MYH9: variants seen among roughly 807,000 people sequenced by gnomAD.
The protein encoded by MYH9 is myosin heavy chain 9.
A neutral mutation model predicts 241.9 loss-of-function variants in MYH9; 29 were observed. The ratio of observed to expected loss-of-function variants is 0.12; its 90% CI spans 0.09 to 0.16. The LOEUF (loss-of-function observed/expected upper bound fraction) is 0.16, where lower values mean the gene tolerates loss of function less well. MYH9 is among the 10% of genes least tolerant of loss of function. The probability of loss-of-function intolerance (pLI) is 1.00; values close to 1 mark genes in which losing one functional copy is unlikely to be tolerated. For synonymous variants in MYH9, 1,047 were observed against 1,062.6 expected (o/e 0.99, Z 0.29); for missense variants, 1,803 against 2,595.5 (o/e 0.69, Z 6.63).
Position 36,305,074 on chromosome 22 carries a change from G to A in MYH9, c.2188C>T (p.Pro730Ser). The A allele has an allele frequency of 6.2e-7, 1 of 1,614,118 alleles. No homozygotes were observed. The highest frequency in any genetic ancestry group is 8.5e-7 in the Non-Finnish European group (1 of 1,179,960). ...RYEILTPNSIPKGFMDGKQAC... is the reference protein window; with the variant it reads ...RYEILTPNSISKGFMDGKQAC... ...TGCTTCCCGTCCATGAAACCCTTGG[G>A]AATGGAGTTTGGAGTCAGGATCTCA... The change falls in exon 18 of 41, where the codon CCC becomes TCC. Residue 730 changes from proline (P) to serine (S), a missense_variant. Pro to Ser is a moderately conservative substitution (Grantham distance 74). Around this residue, in one of 11 missense-constraint regions of MYH9, gnomAD observed 163 missense variants for 349.7 expected, o/e 0.47. Transcript: ENST00000216181. The surrounding 1 kb of genome is among the most constrained non-coding windows in gnomAD (Gnocchi z 4.7).
intron 39 of MYH9, 50 bp from the exon 40 acceptor site, chr22:36,284,315 T>C: frequency 6.2e-7 from 1 of 1,604,364 alleles, no homozygotes; most frequent in Non-Finnish European, 8.5e-7. Context: ...GCTCTGGGCG[T>C]GCAGCCAGTC....
At chr22:36,348,834 A>ACGGGGGGGGGGGGG in intron 2 of MYH9, 70 bp downstream of exon 2, 3 of 888,382 alleles carry the variant, frequency 3.4e-6, no homozygotes, top group East Asian at 5.0e-5. Context: ...GGGTGATGGG[A>ACGGGGGGGGGGGGG]AGACCCGCCC....
intron 1 of MYH9, among the ~76,000 whole-genome samples, chr22:36,353,892 C>T (rs1474810160): frequency 6.6e-6 from 1 of 151,924 alleles, no homozygotes; most frequent in Admixed American, 6.6e-5. Context: ...TCCTGTAGGG[C>T]TAGGATTTGC....
intron 3 of MYH9, among the ~76,000 whole-genome samples, chr22:36,336,689 G>T (rs577428668): frequency 6.6e-6 from 1 of 152,218 alleles, no homozygotes; most frequent in East Asian, 1.9e-4. Flanking sequence ...GGGATGCCCT[G>T]TAACTACTTA....
At chr22:36,337,984 G>A (rs989465885) in intron 3 of MYH9, among the ~76,000 whole-genome samples, 2 of 151,764 alleles carry the variant, frequency 1.3e-5, no homozygotes, top group African/African-American at 4.9e-5. Flanking sequence ...ACAAAAAGAA[G>A]GAACTTTCTT....
At chr22:36,292,586 C>T (rs1479161185) in intron 30 of MYH9, among the ~76,000 whole-genome samples, 1 of 152,212 alleles carries the variant, frequency 6.6e-6, no homozygotes. Flanking sequence ...CATCACCCAG[C>T]CCCATCCTTG....
At chr22:36,378,448 G>A (rs757338970) in intron 1 of MYH9, among the ~76,000 whole-genome samples, 4 of 152,138 alleles carry the variant, frequency 2.6e-5, no homozygotes, top group Admixed American at 1.3e-4. Context: ...ACTTTATTTT[G>A]TTCCTTCTCC....
chr22:36,285,402 A>C lies in MYH9; in HGVS notation c.5275-73T>G. 6.7e-7 allele frequency: 1 copy of C among 1,492,240 alleles called. No homozygotes were observed. The highest frequency in any genetic ancestry group is 9.2e-7 in the Non-Finnish European group (1 of 1,082,308). 92.4% of individuals were successfully genotyped at this position (1,492,240 alleles called of 1,614,324 possible). On this transcript the variant is annotated intron_variant, in intron 37 of 40. Coordinates refer to ENST00000216181, the MANE Select transcript of MYH9 (RefSeq NM_002473.6). This position sits in a 1 kb window ranked among gnomAD's most constrained non-coding sequence, Gnocchi z 7.0. ...GGAGGGCATGAGCAGGGCCAGAGGA[A>C]GGTGGCAGCAGGATCCCACCAAACC...
chr22:36,386,179 A>C (rs1259764932), intron 1 of MYH9, among the ~76,000 whole-genome samples: 2 of 151,570 alleles, frequency 1.3e-5, no homozygotes, highest in Non-Finnish European at 2.9e-5. Flanking sequence ...TGTCATCTCT[A>C]CCTCACGTTA....
intron 1 of MYH9, among the ~76,000 whole-genome samples, chr22:36,377,531 C>T (rs1296673962): frequency 4.6e-5 from 7 of 152,136 alleles, no homozygotes; most frequent in Admixed American, 1.3e-4. Context: ...ATGCCGGGGG[C>T]GAGTTCCAGC....
At position 36,300,803 on chromosome 22, in the gene MYH9, G is replaced by A. The variant is rs780220618; in HGVS notation, c.2838+48C>T. 2.1e-5 allele frequency: 34 copies of A among 1,592,358 alleles called. 1 individual carries two copies. The highest frequency in any genetic ancestry group is 1.5e-4 in the South Asian group (14 of 90,936). ...CTCCTGGTTCCTGCTCCTCCGCCCC[G>A]CCCTGCCCCTCCGGCGCCACCCCTC... On this transcript the variant is annotated intron_variant, in intron 22 of 40. Transcript: ENST00000216181. This position sits in a 1 kb window ranked among gnomAD's most constrained non-coding sequence, Gnocchi z 5.0.
intron 1 of MYH9, among the ~76,000 whole-genome samples, chr22:36,353,424 G>A (rs1225351933): frequency 6.6e-6 from 1 of 151,950 alleles, no homozygotes; most frequent in Non-Finnish European, 1.5e-5. Context: ...GCAATGGCAA[G>A]ATCTCAGCTC....
At chr22:36,284,304 G>A (rs1380408943) in intron 39 of MYH9, 39 bp from the exon 40 acceptor site, 20 of 1,604,910 alleles carry the variant, frequency 1.2e-5, no homozygotes, top group Non-Finnish European at 1.6e-5. Flanking sequence ...CCCGGTTAGG[G>A]GCTCTGGGCG....
chr22:36,374,027 T>C (rs1162628526), intron 1 of MYH9, among the ~76,000 whole-genome samples: 2 of 151,644 alleles, frequency 1.3e-5, no homozygotes, highest in African/African-American at 2.4e-5. Flanking sequence ...TTTGTTGCAA[T>C]AATGCTTGTG....
At position 36,383,278 on chromosome 22, in the gene MYH9, G is replaced by A. The variant is rs541682476; in HGVS notation, c.-20+4529C>T. Among the ~76,000 whole-genome samples the A allele has an allele frequency of 3.9e-5, 6 of 152,258 alleles. No homozygotes were observed. In the East Asian group the frequency reaches 5.8e-4, roughly 15 times the overall value. On this transcript the variant is annotated intron_variant, in intron 1 of 40. Transcript: ENST00000216181. ...CCTCCCCTCACCCAGAGCCAGAGTT[G>A]GAAGTAAGGTCTCCAGTCACCCAAG...
Position 36,324,134 on chromosome 22 carries a change from C to T in MYH9, c.613-1613G>A, listed in dbSNP as rs5995282. ...GCCTGTGCTCGCCCTGGCTGGGAGG[C>T]GAACTGAGGCCTCTGTTTGGGACCA... On this transcript the variant is annotated intron_variant, in intron 5 of 40. Coordinates refer to ENST00000216181, the MANE Select transcript of MYH9 (RefSeq NM_002473.6). Among the ~76,000 whole-genome samples, 736 of 152,316 alleles carry T rather than the reference C, an allele frequency of 4.8e-3. 12 individuals are homozygous for T. The highest frequency in any genetic ancestry group is 0.016 in the African/African-American group (685 of 41,578).
Position 36,320,025 on chromosome 22 carries a change from T to C in MYH9, c.1012+195A>G, listed in dbSNP as rs763780357. On this transcript the variant is annotated intron_variant, in intron 9 of 40. Transcript: ENST00000216181. The surrounding 1 kb of genome is among the most constrained non-coding windows in gnomAD (Gnocchi z 4.8). ...ACATGTCCTTTGCACCCTTTCTGAA[T>C]GCCTGTGGTACCACCAGGAACAAAT... Among the ~76,000 whole-genome samples the C allele has an allele frequency of 2.6e-5, 4 of 152,206 alleles. No individual in the cohort carries two copies. The highest frequency in any genetic ancestry group is 5.9e-5 in the Non-Finnish European group (4 of 68,034).
At chr22:36,380,235 A>T (rs2018235503) in intron 1 of MYH9, among the ~76,000 whole-genome samples, 1 of 152,214 alleles carries the variant, frequency 6.6e-6, no homozygotes, top group Non-Finnish European at 1.5e-5. Context: ...AGCTCCTCCC[A>T]GGGCCCACAC....
rs570964682 is a variant in MYH9, at chr22:36,319,571, G to A, written c.1077C>T (p.Asn359=). Residue 359 remains asparagine (N), a synonymous_variant, in exon 10 of 41, where the codon AAC becomes AAT. Transcript: ENST00000216181. ...LGNIVFKKER[N]TDQASMPDNT... ...TGTCGGGCATGGACGCCTGGTCAGT[G>A]TTCCGCTCCTTCTTGAAGACGATGT... The A allele has an allele frequency of 5.6e-6, 9 of 1,614,154 alleles. No individual in the cohort carries two copies. The African/African-American group carries it at 1.2e-4, about 22-fold the overall frequency.
Sources: gnomAD v4.1 joint callset for allele counts (sites outside exome capture counted in the v4.1 genomes callset) on GRCh38, gnomAD v4.1.1 for gene constraint, gnomAD v4.1.1 regional missense constraint, Gnocchi (gnomAD v3.1) non-coding constraint, MANE v1.5 for transcripts, NCBI Gene and HGNC (gene_info 2026-07-23, HGNC 2026-07-21) for gene names.